The following F13A1 variants were observed in gnomAD, a reference collection of about 807,000 sequenced individuals.
F13A1 encodes the protein coagulation factor XIII A chain, also known as FSF, A subunit.
F13A1 carries 47 observed loss-of-function variants against 80.1 expected under a neutral mutation model. The ratio of observed to expected loss-of-function variants is 0.59; its 90% CI spans 0.46 to 0.75. The LOEUF (loss-of-function observed/expected upper bound fraction) is 0.75, where lower values mean the gene tolerates loss of function less well. F13A1 is among the 30% of genes least tolerant of loss of function. F13A1 has a pLI of 0.00. For missense variants in F13A1, 817 were observed against 930.4 expected, an observed-to-expected ratio of 0.88 and a Z score of 1.59; for synonymous variants, 349 against 344.9, an observed-to-expected ratio of 1.01 and a Z score of -0.13.
intron 3 of F13A1, among the ~76,000 whole-genome samples, chr6:6,273,359 T>C (rs574094264): frequency 5.3e-5 from 8 of 152,222 alleles, no homozygotes; most frequent in Non-Finnish European, 8.8e-5. Context: ...AAGATCATCA[T>C]AGAGATGTTA....
intron 11 of F13A1, among the ~76,000 whole-genome samples, chr6:6,180,032 GTT>G (rs1242912528): frequency 2.6e-5 from 4 of 152,324 alleles, no homozygotes; most frequent in African/African-American, 9.6e-5. Context: ...CGGCTCCATG[GTT>G]TCCAAGAGAC....
At position 6,190,804 on chromosome 6, in the gene F13A1, T is replaced by C. The variant is rs1302909226; in HGVS notation, c.1305+4993A>G. The stretch of plus-strand genomic sequence containing the variant: ...TTACCTAAGCAAGCCTGGGCAATGG[T>C]GGGCGCCCCTCCCCCAGCCTCGCTG... On this transcript the variant is annotated intron_variant, in intron 10 of 14. Coordinates refer to ENST00000264870, the MANE Select transcript of F13A1 (RefSeq NM_000129.4). Among the ~76,000 whole-genome samples the C allele has an allele frequency of 3.6e-3, 522 of 144,896 alleles. 2 individuals are homozygous for C. The highest frequency in any genetic ancestry group is 0.015 in the Admixed American group (222 of 14,438).
Position 6,212,535 on chromosome 6 carries a change from C to T in F13A1, c.1112+9498G>A, listed in dbSNP as rs557807656. Among the ~76,000 whole-genome samples the T allele has an allele frequency of 2.0e-3, 303 of 152,262 alleles. 1 individual carries two copies. Among genetic ancestry groups the T allele is most frequent in the African/African-American group, 6.3e-3 (263 of 41,572 alleles). On this transcript the variant is annotated intron_variant, in intron 8 of 14. Coordinates refer to ENST00000264870, the MANE Select transcript of F13A1 (RefSeq NM_000129.4). ...ACACCAAAAACCCATCTGTACATCA[C>T]CATCATCAAAGACCAAAAGTAGATA...
At chr6:6,217,477 A>G (rs1016368002) in intron 8 of F13A1, among the ~76,000 whole-genome samples, 4 of 141,900 alleles carry the variant, frequency 2.8e-5, no homozygotes, top group African/African-American at 1.1e-4. Context: ...GAATTGAACA[A>G]TGAGAACATA....
chr6:6,197,831 C>T (rs1191582417), intron 8 of F13A1, among the ~76,000 whole-genome samples: 1 of 152,174 alleles, frequency 6.6e-6, no homozygotes, highest in Non-Finnish European at 1.5e-5. Context: ...CCTCAGGACA[C>T]TCACATGGCT....
rs368297715 is a variant in F13A1, at chr6:6,187,391, G to A, written c.1306-5250C>T. Among the ~76,000 whole-genome samples the A allele has an allele frequency of 7.1e-3, 401 of 56,554 alleles. 7 individuals carry two copies. The highest frequency in any genetic ancestry group is 0.038 in the African/African-American group (334 of 8,834). The allele number at this position is 56,554 out of a possible 152,430, so 37.1% of individuals were successfully genotyped here. A position where few individuals can be genotyped will look rare whatever the true frequency, so the allele number is the denominator to read the frequency against. ...GATAGCTCTTATTATTTTGAAATAC[G>A]TCCCATCAATACCTAATTTATTGAG... is the stretch of plus-strand genomic sequence containing the variant. On this transcript the variant is annotated intron_variant, in intron 10 of 14. Coordinates refer to ENST00000264870, the MANE Select transcript of F13A1 (RefSeq NM_000129.4).
chr6:6,180,806 T>G (rs1453119219), intron 11 of F13A1, among the ~76,000 whole-genome samples: 1 of 152,362 alleles, frequency 6.6e-6, no homozygotes, highest in East Asian at 1.9e-4. Context: ...AGCAAGCTTC[T>G]TCTTTGTAGT....
At chr6:6,155,211 C>G (rs1004684993) in intron 13 of F13A1, among the ~76,000 whole-genome samples, 1 of 152,166 alleles carries the variant, frequency 6.6e-6, no homozygotes, top group Non-Finnish European at 1.5e-5. Flanking sequence ...TGAAATACAC[C>G]CTTCCAGGTC....
At chr6:6,288,892 T>G (rs1758173622) in intron 3 of F13A1, among the ~76,000 whole-genome samples, 1 of 152,184 alleles carries the variant, frequency 6.6e-6, no homozygotes, top group African/African-American at 2.4e-5. Context: ...TGCGTTTCCC[T>G]GATGATTAGA....
At chr6:6,311,077 T>G (rs1399821622) in intron 2 of F13A1, among the ~76,000 whole-genome samples, 1 of 151,966 alleles carries the variant, frequency 6.6e-6, no homozygotes. Flanking sequence ...TCTCTTTGTA[T>G]TATCTTTATA....
At chr6:6,207,926 T>C (rs977731601) in intron 8 of F13A1, among the ~76,000 whole-genome samples, 2 of 152,196 alleles carry the variant, frequency 1.3e-5, no homozygotes, top group African/African-American at 4.8e-5. Flanking sequence ...CAATAGGTGC[T>C]AGAGAACAGG....
Position 6,195,764 on chromosome 6 carries a change from A to G in F13A1, c.1305+33T>C. On this transcript the variant is annotated intron_variant, in intron 10 of 14. Transcript: ENST00000264870. ...TTTCATGTGTTAAGAGGTTGGGGAG[A>G]AAAACAGCACTTTCCTCCAGCTTCC... The G allele has an allele frequency of 1.9e-6, 3 of 1,596,098 alleles. 1 individual carries two copies. In the East Asian group the frequency reaches 6.7e-5, roughly 36 times the overall value.
At chr6:6,190,616 G>T (rs1292394138) in intron 10 of F13A1, among the ~76,000 whole-genome samples, 24 of 152,110 alleles carry the variant, frequency 1.6e-4, no homozygotes, top group African/African-American at 5.1e-4. Context: ...GAGAACCAGT[G>T]CTCTCTTCAA....
At chr6:6,286,161 G>A (rs1424368081) in intron 3 of F13A1, among the ~76,000 whole-genome samples, 1 of 152,178 alleles carries the variant, frequency 6.6e-6, no homozygotes, top group Admixed American at 6.5e-5. Flanking sequence ...ACTTTCAGAT[G>A]GATTATTTGA....
At chr6:6,208,307 A>T (rs964832820) in intron 8 of F13A1, among the ~76,000 whole-genome samples, 10 of 152,220 alleles carry the variant, frequency 6.6e-5, no homozygotes, top group Non-Finnish European at 1.5e-4. Flanking sequence ...AGAATCAATG[A>T]ACTTGAAGGT....
At chr6:6,195,769 C>T (rs778750323) in intron 10 of F13A1, 28 bp downstream of exon 10, 151 of 1,600,932 alleles carry the variant, frequency 9.4e-5, no homozygotes, top group Non-Finnish European at 1.3e-4. Context: ...GGGAGAAAAA[C>T]AGCACTTTCC....
intron 14 of F13A1, among the ~76,000 whole-genome samples, chr6:6,147,607 A>G (rs1760307653): frequency 6.6e-6 from 1 of 152,216 alleles, no homozygotes; most frequent in African/African-American, 2.4e-5. Flanking sequence ...CAAGTGATCA[A>G]TCAGAAGCAC....
chr6:6,313,236 A>C (rs1236208582), intron 2 of F13A1, among the ~76,000 whole-genome samples: 2 of 150,786 alleles, frequency 1.3e-5, no homozygotes, highest in Non-Finnish European at 2.9e-5. Context: ...TCCCCTGTCC[A>C]AGCCTAGTTC....
chr6:6,267,529 GT>G (rs1385514722), intron 3 of F13A1, among the ~76,000 whole-genome samples: 1 of 152,108 alleles, frequency 6.6e-6, no homozygotes, highest in African/African-American at 2.4e-5. Context: ...CAGAGGCTTT[GT>G]TTTTCTCTGG....
Sources: allele counts gnomAD v4.1 joint callset (sites outside exome capture counted in the v4.1 genomes callset), GRCh38; gene constraint gnomAD v4.1.1; transcripts MANE v1.5; gene names NCBI Gene and HGNC (gene_info 2026-07-23, HGNC 2026-07-21).